The following TAX1BP1 variants were observed in gnomAD, a reference collection of about 807,000 sequenced individuals.
TAX1BP1 encodes Tax1 binding protein 1.
In TAX1BP1, 62 loss-of-function variants were observed where a neutral mutation model predicts 97.7. The ratio of observed to expected loss-of-function variants is 0.63; its 90% CI spans 0.52 to 0.78. The LOEUF (loss-of-function observed/expected upper bound fraction) is 0.78. TAX1BP1 is among the 30% of genes least tolerant of loss of function. The pLI is 0.00. For synonymous variants in TAX1BP1, 340 were observed against 304.2 expected (o/e 1.12, Z -1.23); for missense variants, 867 against 916.1 (o/e 0.95, Z 0.69).
rs759170806 is a variant in TAX1BP1 at position 27,793,063 on chromosome 7, T to C, written c.1264-3T>C. 8.9e-6 allele frequency: 14 copies of C among 1,578,642 alleles called. No individual in the cohort carries two copies. In the South Asian group the frequency reaches 9.5e-5, roughly 11 times the overall value. On this transcript the variant is annotated splice_polypyrimidine_tract_variant and splice_region_variant and intron_variant, in intron 9 of 16. Transcript: ENST00000396319. The stretch of plus-strand genomic sequence containing the variant: ...TTTTCTTCAAATGTTTGTTTCTTTC[T>C]AGGACAAGACTGATACACTGGAACA...
At chr7:27,827,230 A>G (rs1142977) in intron 15 of TAX1BP1, among the ~76,000 whole-genome samples, 1 of 151,988 alleles carries the variant, frequency 6.6e-6, no homozygotes, top group Admixed American at 6.6e-5. Flanking sequence ...GTGCACACCT[A>G]TAATCCCAGC....
intron 13 of TAX1BP1, among the ~76,000 whole-genome samples, chr7:27,810,100 G>T (rs1790498579): frequency 6.6e-6 from 1 of 151,858 alleles, no homozygotes; most frequent in Admixed American, 6.6e-5. Context: ...GTAGAGACAA[G>T]GTTTCACTGT....
intron 12 of TAX1BP1, 44 bp from the exon 13 acceptor site, chr7:27,799,921 A>G: frequency 6.7e-7 from 1 of 1,500,982 alleles, no homozygotes. Flanking sequence ...TTTTCACTCT[A>G]CATGAATTTA....
intron 12 of TAX1BP1, among the ~76,000 whole-genome samples, chr7:27,799,440 G>T (rs1385822460): frequency 6.6e-6 from 1 of 152,104 alleles, no homozygotes; most frequent in Non-Finnish European, 1.5e-5. Flanking sequence ...GTTTATCACT[G>T]CATGGAAACA....
chr7:27,746,563 C>T (rs1246424756), intron 1 of TAX1BP1, among the ~76,000 whole-genome samples: 2 of 151,976 alleles, frequency 1.3e-5, no homozygotes, highest in Admixed American at 6.6e-5. Context: ...AGGCAGAGTT[C>T]TCCAGTGTTT....
intron 5 of TAX1BP1, among the ~76,000 whole-genome samples, chr7:27,783,328 G>A (rs991270512): frequency 3.3e-5 from 5 of 152,070 alleles, no homozygotes; most frequent in Admixed American, 3.3e-4. Context: ...GTTTGAAATG[G>A]CAAAGCTCTT....
In TAX1BP1 at chr7:27,793,232, C is replaced by T. The variant is rs943081692; in HGVS notation, c.1410+20C>T. 5 of 1,547,430 alleles carry T rather than the reference C, an allele frequency of 3.2e-6. No individual in the cohort carries two copies. The African/African-American group carries it at 7.1e-5, about 22-fold the overall frequency. On this transcript the variant is annotated intron_variant, in intron 10 of 16. Transcript: ENST00000396319. ...CAATCAGTAAGTATCATTAAATTTA[C>T]ACATAGTAAAATGTGTTGTTAGTAT...
intron 8 of TAX1BP1, among the ~76,000 whole-genome samples, chr7:27,789,420 C>A (rs1189965187): frequency 2.6e-5 from 4 of 151,802 alleles, no homozygotes; most frequent in Non-Finnish European, 5.9e-5. Context: ...AAACCCTTTT[C>A]TTACCTATGC....
At chr7:27,753,640 C>T (rs180820470) in intron 2 of TAX1BP1, among the ~76,000 whole-genome samples, 1 of 152,150 alleles carries the variant, frequency 6.6e-6, no homozygotes, top group East Asian at 1.9e-4. Context: ...GAGTTAACAA[C>T]AATAACTAAA....
chr7:27,763,281 C>T (rs935679620), intron 3 of TAX1BP1, among the ~76,000 whole-genome samples: 1 of 152,232 alleles, frequency 6.6e-6, no homozygotes, highest in African/African-American at 2.4e-5. Context: ...TTGTTGAATA[C>T]TAAAGGCACA....
At chr7:27,808,978 T>C (rs1790447211) in intron 13 of TAX1BP1, among the ~76,000 whole-genome samples, 1 of 152,192 alleles carries the variant, frequency 6.6e-6, no homozygotes, top group African/African-American at 2.4e-5. Context: ...TTTCAGAAAA[T>C]GATTTAAAAT....
intron 13 of TAX1BP1, among the ~76,000 whole-genome samples, chr7:27,803,801 C>T (rs1002380165): frequency 2.6e-5 from 4 of 152,090 alleles, no homozygotes; most frequent in Admixed American, 2.6e-4. Context: ...GGAAAGTACC[C>T]CTAAAGTTCT....
At chr7:27,760,946 G>A (rs1408360919) in intron 3 of TAX1BP1, among the ~76,000 whole-genome samples, 1 of 152,202 alleles carries the variant, frequency 6.6e-6, no homozygotes, top group Non-Finnish European at 1.5e-5. Context: ...ATTTTGAAAA[G>A]ATCAACAGGT....
chr7:27,819,605 C>T (rs1269540480), intron 15 of TAX1BP1, among the ~76,000 whole-genome samples: 3 of 152,098 alleles, frequency 2.0e-5, no homozygotes, highest in East Asian at 3.9e-4. Flanking sequence ...CCTCAACTTA[C>T]GATGGGGTTA....
intron 10 of TAX1BP1, 106 bp from the exon 11 acceptor site, chr7:27,794,217 G>A (rs1369703990): frequency 7.8e-6 from 8 of 1,026,486 alleles, no homozygotes; most frequent in African/African-American, 1.6e-5. Context: ...GGACTTCTTA[G>A]GATTTCCTAA....
At chr7:27,803,286 A>T (rs1790207914) in intron 13 of TAX1BP1, 1 of 1,087,740 alleles carries the variant, frequency 9.2e-7, no homozygotes, top group East Asian at 3.0e-5. Context: ...ACAATGTTCA[A>T]ATTTAGGAAA....
chr7:27,772,214 G>A (rs1266380463), intron 5 of TAX1BP1: 1 of 150,328 alleles, frequency 6.7e-6, no homozygotes, highest in Non-Finnish European at 1.5e-5. Context: ...AATCAAGCAT[G>A]CCTGCTGGGC....
intron 3 of TAX1BP1, among the ~76,000 whole-genome samples, chr7:27,764,574 A>C (rs1298251660): frequency 6.6e-6 from 1 of 152,190 alleles, no homozygotes; most frequent in Non-Finnish European, 1.5e-5. Flanking sequence ...CTGTAAATAA[A>C]GTTATTATTT....
chr7:27,793,186 C>A lies in TAX1BP1; in HGVS notation c.1384C>A (p.Gln462Lys). Residue 462 changes from glutamine to lysine, a missense_variant, in exon 10 of 17, where the codon CAA becomes AAA. Physicochemically the swap from Gln to Lys is moderately conservative, Grantham distance 53. Transcript: ENST00000396319. ...TAAGGAATGCCAAAGGCTCCAAAAA[C>A]AAATAAACAAACTTTCAGATCAATC... ...KFKECQRLQK[Q>K]INKLSDQSAN... 1 of 1,587,382 alleles carries A rather than the reference C, an allele frequency of 6.3e-7. No individual in the cohort carries two copies. The highest frequency in any genetic ancestry group is 8.5e-7 in the Non-Finnish European group (1 of 1,173,870).
Sources: gnomAD v4.1 joint callset for allele counts (sites outside exome capture counted in the v4.1 genomes callset) on GRCh38, gnomAD v4.1.1 for gene constraint, MANE v1.5 for transcripts, NCBI Gene and HGNC (gene_info 2026-07-23, HGNC 2026-07-21) for gene names.